Variants in RRP1 observed in about 807,000 individuals in gnomAD.
The protein encoded by RRP1 is ribosomal RNA processing protein 1 homolog A.
RRP1 carries 37 observed loss-of-function variants against 54.6 expected under a neutral mutation model. The observed-to-expected ratio is 0.68, with a 90% confidence interval of 0.52 to 0.89. RRP1 has a LOEUF of 0.89. RRP1 is among the 40% of genes least tolerant of loss of function. The pLI, the probability that RRP1 is intolerant of heterozygous loss-of-function variation, is 0.00. For synonymous variants in RRP1, 262 were observed against 244.3 expected (o/e 1.07, Z -0.67); for missense variants, 639 against 612.5 (o/e 1.04, Z -0.46).
chr21:43,797,818 G>C (rs2085038142), intron 7 of RRP1, 89 bp from the exon 8 acceptor site: 2 of 1,561,804 alleles, frequency 1.3e-6, no homozygotes, highest in African/African-American at 2.7e-5. Context: ...TGGCCGTGTG[G>C]GTGGGGAGAG....
At chr21:43,800,266 G>A (rs2085071847) in intron 9 of RRP1, among the ~76,000 whole-genome samples, 1 of 152,108 alleles carries the variant, frequency 6.6e-6, no homozygotes, top group Admixed American at 6.5e-5. Context: ...AGTGTGCCCC[G>A]CAGTGTGCAT....
chr21:43,800,232 G>C (rs2085071218), intron 9 of RRP1, among the ~76,000 whole-genome samples: 1 of 152,256 alleles, frequency 6.6e-6, no homozygotes, highest in South Asian at 2.1e-4. Flanking sequence ...CTGCAGGCAG[G>C]CTACCGGCGG....
At position 43,797,498 on chromosome 21, in the gene RRP1, A is replaced by G; in HGVS notation, c.499A>G (p.Ser167Gly). 6.2e-7 allele frequency: 1 copy of G among 1,613,952 alleles called. No individual in the cohort carries two copies. Among genetic ancestry groups the G allele is most frequent in the South Asian group, 1.1e-5 (1 of 91,082 alleles). Residue 167 changes from serine to glycine, a missense_variant, in exon 6 of 13, where the codon AGC (serine) becomes GGC (glycine). By Grantham distance (56) the Ser-to-Gly change is moderately conservative (BLOSUM62 0). Transcript: ENST00000497547. Reference protein sequence around the residue: ...PSSQAPNGVKSHFIEIFLEEL... With the variant: ...PSSQAPNGVKGHFIEIFLEEL... Reference sequence around the variant, plus strand: ...CAGCCAGGCCCCCAACGGTGTGAAGAGCCACTTCATCGAGATCTTCCTGGA... The same window carrying G: ...CAGCCAGGCCCCCAACGGTGTGAAGGGCCACTTCATCGAGATCTTCCTGGA...
Position 43,789,740 on chromosome 21 carries a change from C to A in RRP1, c.111C>A (p.Val37=). The A allele has an allele frequency of 6.5e-7, 1 of 1,529,686 alleles. No homozygotes were observed. The highest frequency in any genetic ancestry group is 1.2e-5 in the South Asian group (1 of 82,406). 94.8% of individuals were successfully genotyped at this position (1,529,686 alleles called of 1,614,324 possible). A position where few individuals can be genotyped will look rare whatever the true frequency, so the allele number is the denominator to read the frequency against. Residue 37 remains valine, a synonymous_variant, in exon 1 of 13, where the codon GTC becomes GTA. Transcript: ENST00000497547. ...RAVRKLRKYI[V]ARTQRAAGGF... is the part of the protein sequence containing the mutation. Reference sequence around the variant, plus strand: ...TGAGGAAGCTCCGGAAATACATCGTCGCCAGGACTCAGCGGGCCGCAGGTT... The same window carrying A: ...TGAGGAAGCTCCGGAAATACATCGTAGCCAGGACTCAGCGGGCCGCAGGTT...
At chr21:43,801,599 A>G (rs989258638) in intron 11 of RRP1, among the ~76,000 whole-genome samples, 2 of 152,162 alleles carry the variant, frequency 1.3e-5, no homozygotes, top group Non-Finnish European at 2.9e-5. Flanking sequence ...TCAGCCTCCC[A>G]GTCGCTGGGA....
Position 43,789,637 on chromosome 21 carries a change from C to T in RRP1, c.8C>T (p.Ser3Leu). The change falls in exon 1 of 13, where the codon TCG (serine) becomes TTG (leucine). Residue 3 changes from serine (S) to leucine (L), a missense_variant. Ser to Leu is a moderately radical substitution (Grantham distance 145). Coordinates refer to ENST00000497547, the MANE Select transcript of RRP1 (RefSeq NM_003683.6). MV[S>L]RVQLPPEIQL... ...GTCTCGGCCGTCGGCGTCATGGTTT[C>T]GCGCGTGCAGCTCCCGCCTGAGATC... is the stretch of plus-strand genomic sequence containing the variant. 6.3e-7 allele frequency: 1 copy of T among 1,586,552 alleles called. No homozygotes were observed. The highest frequency in any genetic ancestry group is 8.6e-7 in the Non-Finnish European group (1 of 1,168,064).
At chr21:43,803,469 G>C (rs377728127) in intron 12 of RRP1, 43 bp from the exon 13 acceptor site, 1 of 1,506,516 alleles carries the variant, frequency 6.6e-7, no homozygotes, top group Non-Finnish European at 8.9e-7. Context: ...GAAAGAGCCC[G>C]TGTTGGCATT....
At chr21:43,791,779 C>T (rs901354967) in intron 2 of RRP1, among the ~76,000 whole-genome samples, 7 of 152,206 alleles carry the variant, frequency 4.6e-5, no homozygotes, top group Non-Finnish European at 1.0e-4. Flanking sequence ...GCTGGGATTA[C>T]AGGCATGAGC....
At chr21:43,800,301 G>A (rs570800666) in intron 9 of RRP1, among the ~76,000 whole-genome samples, 12 of 151,026 alleles carry the variant, frequency 7.9e-5, no homozygotes, top group African/African-American at 2.5e-4. Context: ...CCCGCAGTGC[G>A]TGCCCCGCAG....
chr21:43,802,298 C>T lies in RRP1; in HGVS notation c.1034C>T (p.Pro345Leu), dbSNP rs2085102563. ...AGGIFPEDEI[P>L]EKACRRLLEG... Reference sequence around the variant, plus strand: ...GGCATTTTCCCTGAAGATGAGATCCCAGAGAAGGCCTGCAGGCGCCTGCTT... The same window carrying T: ...GGCATTTTCCCTGAAGATGAGATCCTAGAGAAGGCCTGCAGGCGCCTGCTT... Residue 345 changes from proline to leucine, a missense_variant, in exon 12 of 13, where the codon CCA becomes CTA. Coordinates refer to ENST00000497547, the MANE Select transcript of RRP1 (RefSeq NM_003683.6). The T allele has an allele frequency of 6.2e-7, 1 of 1,613,716 alleles. No individual in the cohort carries two copies. The highest frequency in any genetic ancestry group is 1.7e-5 in the Admixed American group (1 of 59,988).
At chr21:43,795,322 C>G (rs971757702) in intron 5 of RRP1, 72 bp downstream of exon 5, 1 of 1,449,126 alleles carries the variant, frequency 6.9e-7, no homozygotes. Context: ...TCATTTGATT[C>G]TTTGCCATAA....
rs1390571727 is a variant in RRP1, at chr21:43,805,219, T to G, written c.*1445T>G. 1 of 148,404 alleles carries G rather than the reference T, an allele frequency of 6.7e-6. No individual in the cohort carries two copies. The highest frequency in any genetic ancestry group is 2.5e-5 in the African/African-American group (1 of 39,964). The allele number at this position is 148,404 out of a possible 1,614,324, so 9.2% of individuals were successfully genotyped here. A position where few individuals can be genotyped will look rare whatever the true frequency, so the allele number is the denominator to read the frequency against. On this transcript the variant is annotated 3_prime_UTR_variant, in exon 13 of 13. Transcript: ENST00000497547. ...TGAACCTGGGAGGCAGAGGTTGTGG[T>G]GAGCTAAGATCACGCCATTGCACTC... is the stretch of plus-strand genomic sequence containing the variant.
chr21:43,791,329 A>G lies in RRP1; in HGVS notation c.134-21A>G, dbSNP rs776022596. On this transcript the variant is annotated intron_variant, in intron 1 of 12. Coordinates refer to ENST00000497547, the MANE Select transcript of RRP1 (RefSeq NM_003683.6). ...GAAGGTGTGGGATTCATTTGGTCCA[A>G]CCGTTGCTGTTTTGATGCAGGTGGT... 56 of 1,613,056 alleles carry G rather than the reference A, an allele frequency of 3.5e-5. No homozygotes were observed. In the South Asian group the frequency reaches 4.6e-4, roughly 13 times the overall value.
chr21:43,800,302 T>TGCCCCGCAGTGCGC (rs1226963728), intron 9 of RRP1, among the ~76,000 whole-genome samples: 1 of 151,702 alleles, frequency 6.6e-6, no homozygotes, highest in Non-Finnish European at 1.5e-5. Context: ...CCGCAGTGCG[T>TGCCCCGCAGTGCGC]GCCCCGCAGT....
chr21:43,792,851 G>T, intron 3 of RRP1, 122 bp downstream of exon 3: 1 of 1,019,818 alleles, frequency 9.8e-7, no homozygotes, highest in South Asian at 1.4e-5. Context: ...AAGGGCAAGA[G>T]AGCGCCAGCT....
rs777609719 is a variant in RRP1, at chr21:43,800,817, G to A, written c.990-45G>A. ...TCTAGCTGGAGCTTCCTCCTCCTGCGGAAGCCGCAGCTGTGGTAAGTGGGT... is the reference window on the plus strand; with the variant it reads ...TCTAGCTGGAGCTTCCTCCTCCTGCAGAAGCCGCAGCTGTGGTAAGTGGGT... On this transcript the variant is annotated intron_variant, in intron 10 of 12. Coordinates refer to ENST00000497547, the MANE Select transcript of RRP1 (RefSeq NM_003683.6). 8.1e-6 allele frequency: 13 copies of A among 1,612,156 alleles called. No homozygotes were observed. In the East Asian group the frequency reaches 8.9e-5, roughly 11 times the overall value.
Position 43,801,273 on chromosome 21 carries a change from G to A in RRP1, c.1009+392G>A, listed in dbSNP as rs1057469858. Among the ~76,000 whole-genome samples the A allele has an allele frequency of 2.0e-5, 3 of 152,180 alleles. 1 individual carries two copies. Among genetic ancestry groups the A allele is most frequent in the South Asian group, 4.1e-4 (2 of 4,828 alleles). ...CTAGTGGGCGTCGATGGTTAGAGAC[G>A]TAGGCGTTTCCCCTGGTGTTTCCTT... On this transcript the variant is annotated intron_variant, in intron 11 of 12. Coordinates refer to ENST00000497547, the MANE Select transcript of RRP1 (RefSeq NM_003683.6).
chr21:43,797,118 A>G (rs3819615), intron 5 of RRP1, among the ~76,000 whole-genome samples: 7,896 of 152,316 alleles, frequency 0.052, 275 homozygotes, highest in South Asian at 0.15. Flanking sequence ...TCTTGAGGAC[A>G]GAGGGAAGGC....
At chr21:43,797,070 G>C (rs1444595610) in intron 5 of RRP1, among the ~76,000 whole-genome samples, 1 of 152,192 alleles carries the variant, frequency 6.6e-6, no homozygotes, top group African/African-American at 2.4e-5. Context: ...ACCAGGCAGG[G>C]CGTCTCGTCT....
Sources: allele counts gnomAD v4.1 joint callset (sites outside exome capture counted in the v4.1 genomes callset), GRCh38; gene constraint gnomAD v4.1.1; transcripts MANE v1.5; gene names NCBI Gene and HGNC (gene_info 2026-07-23, HGNC 2026-07-21).